Variants in PTPRD observed in about 807,000 individuals in gnomAD.
PTPRD encodes receptor-type tyrosine-protein phosphatase delta.
PTPRD carries 34 observed loss-of-function variants against 214.5 expected under a neutral mutation model. The ratio of observed to expected loss-of-function variants is 0.16; its 90% CI spans 0.12 to 0.21. PTPRD has a LOEUF of 0.21. PTPRD is among the 10% of genes least tolerant of loss of function. PTPRD has a pLI of 1.00. For synonymous variants in PTPRD, 1,128 were observed against 845.7 expected (o/e 1.33, Z -5.79); for missense variants, 2,545 against 2,398.7 (o/e 1.06, Z -1.27).
At chr9:8,983,069 C>T (rs540852743) in intron 11 of PTPRD, among the ~76,000 whole-genome samples, 4 of 152,092 alleles carry the variant, frequency 2.6e-5, no homozygotes, top group East Asian at 1.9e-4. Context: ...TGATGGGATA[C>T]ACTTTTTCTT....
intron 2 of PTPRD, among the ~76,000 whole-genome samples, chr9:10,553,349 T>TA (rs1239657173): frequency 4.0e-5 from 6 of 150,878 alleles, no homozygotes; most frequent in Admixed American, 6.6e-5. Context: ...AATCTTTATT[T>TA]TTTTTTTTTT....
chr9:9,940,948 C>G (rs2091287082), intron 4 of PTPRD, among the ~76,000 whole-genome samples: 1 of 152,104 alleles, frequency 6.6e-6, no homozygotes, highest in African/African-American at 2.4e-5. Flanking sequence ...ACACAGCTCT[C>G]CACAAATCAC....
chr9:10,551,600 T>C (rs2061377550), intron 2 of PTPRD, among the ~76,000 whole-genome samples: 1 of 152,156 alleles, frequency 6.6e-6, no homozygotes, highest in Admixed American at 6.6e-5. Context: ...AGTCTATATC[T>C]ATAAACCAGA....
At chr9:9,817,641 T>A (rs1005249694) in intron 5 of PTPRD, among the ~76,000 whole-genome samples, 1 of 152,150 alleles carries the variant, frequency 6.6e-6, no homozygotes, top group African/African-American at 2.4e-5. Flanking sequence ...TTATTTACAT[T>A]ATTTTTGTCC....
chr9:10,523,622 T>TAGAGAGAGAGAGAGAG (rs1555471552), intron 2 of PTPRD, among the ~76,000 whole-genome samples: 22 of 131,386 alleles, frequency 1.7e-4, no homozygotes, highest in African/African-American at 5.9e-4. Flanking sequence ...TATATATATA[T>TAGAGAGAGAGAGAGAG]AGACAGAAAG....
At chr9:8,753,656 T>A (rs2154465690) in intron 11 of PTPRD, among the ~76,000 whole-genome samples, 1 of 152,274 alleles carries the variant, frequency 6.6e-6, no homozygotes, top group South Asian at 2.1e-4. Flanking sequence ...ACAAGATCAA[T>A]ATAAGAAACC....
At chr9:10,037,657 A>T (rs936254865) in intron 3 of PTPRD, among the ~76,000 whole-genome samples, 1 of 151,934 alleles carries the variant, frequency 6.6e-6, no homozygotes, top group East Asian at 1.9e-4. Context: ...TTTAACCAAG[A>T]CAAGTTCTCC....
intron 8 of PTPRD, among the ~76,000 whole-genome samples, chr9:9,490,923 T>C (rs902465325): frequency 5.3e-5 from 8 of 151,244 alleles, no homozygotes; most frequent in African/African-American, 1.7e-4. Context: ...AACTAATTAA[T>C]ATGAATATAA....
At chr9:10,242,817 C>G (rs1371969090) in intron 3 of PTPRD, among the ~76,000 whole-genome samples, 2 of 151,072 alleles carry the variant, frequency 1.3e-5, no homozygotes, top group Non-Finnish European at 1.5e-5. Flanking sequence ...GATTATTTTA[C>G]AACCTTGCTA....
intron 11 of PTPRD, among the ~76,000 whole-genome samples, chr9:8,789,564 TCAAG>T (rs1311028222): frequency 9.2e-5 from 14 of 152,302 alleles, no homozygotes; most frequent in Non-Finnish European, 2.1e-4. Flanking sequence ...TTTAGCTAGT[TCAAG>T]TTTAAATTCC....
At chr9:9,935,310 G>C (rs2088768618) in intron 5 of PTPRD, among the ~76,000 whole-genome samples, 1 of 152,134 alleles carries the variant, frequency 6.6e-6, no homozygotes, top group Non-Finnish European at 1.5e-5. Flanking sequence ...AGACATGATT[G>C]TATATCTAGA....
At chr9:10,016,670 G>GTTTTTTTTTTTTTTTTTTTTT (rs137867470) in intron 4 of PTPRD, among the ~76,000 whole-genome samples, 1 of 148,504 alleles carries the variant, frequency 6.7e-6, no homozygotes. Context: ...CCTCCTGTGG[G>GTTTTTTTTTTTTTTTTTTTTT]TTGTTTTTTT....
chr9:9,386,820 T>C (rs10124994), intron 9 of PTPRD, among the ~76,000 whole-genome samples: 1 of 151,846 alleles, frequency 6.6e-6, no homozygotes, highest in African/African-American at 2.4e-5. Flanking sequence ...TTCATGGACA[T>C]TTGGATGTAC....
chr9:8,815,437 T>C (rs2096900840), intron 11 of PTPRD, among the ~76,000 whole-genome samples: 1 of 152,202 alleles, frequency 6.6e-6, no homozygotes, highest in African/African-American at 2.4e-5. Flanking sequence ...AGCAGGGTCA[T>C]TTCAGGCAAC....
intron 7 of PTPRD, among the ~76,000 whole-genome samples, chr9:9,672,765 G>T (rs542448802): frequency 1.4e-4 from 21 of 152,120 alleles, no homozygotes; most frequent in Admixed American, 7.2e-4. Flanking sequence ...AATTAGTGAT[G>T]TATGACTGTA....
chr9:9,951,635 A>C (rs1475143227), intron 4 of PTPRD, among the ~76,000 whole-genome samples: 3 of 152,196 alleles, frequency 2.0e-5, no homozygotes, highest in South Asian at 2.1e-4. Context: ...ATTTCTTACA[A>C]GTTAATGTCG....
At chr9:9,058,847 G>C (rs2154399794) in intron 10 of PTPRD, among the ~76,000 whole-genome samples, 1 of 152,190 alleles carries the variant, frequency 6.6e-6, no homozygotes, top group South Asian at 2.1e-4. Context: ...GGTTAGCTTT[G>C]GGAAAATAAG....
intron 12 of PTPRD, chr9:8,700,959 G>A (rs564484308): frequency 2.0e-5 from 3 of 151,526 alleles, no homozygotes; most frequent in Admixed American, 6.6e-5. Flanking sequence ...TCAGGAGTTC[G>A]AGACCAGCCC....
intron 8 of PTPRD, among the ~76,000 whole-genome samples, chr9:9,435,004 G>C (rs1006015802): frequency 6.6e-6 from 1 of 151,554 alleles, no homozygotes; most frequent in Admixed American, 6.6e-5. Context: ...AAATGTTAAA[G>C]ACAAAGAGTA....
Sources: gnomAD v4.1 joint callset for allele counts (sites outside exome capture counted in the v4.1 genomes callset) on GRCh38, gnomAD v4.1.1 for gene constraint, MANE v1.5 for transcripts, NCBI Gene and HGNC (gene_info 2026-07-23, HGNC 2026-07-21) for gene names.